LMBRD2: variants seen among roughly 807,000 people sequenced by gnomAD.
The protein encoded by LMBRD2 is G protein-coupled receptor-associated protein LMBRD2.
In LMBRD2, 55 loss-of-function variants were observed where a neutral mutation model predicts 94.4. The ratio of observed to expected loss-of-function variants is 0.58; its 90% CI spans 0.47 to 0.73. The LOEUF (loss-of-function observed/expected upper bound fraction) is 0.73. Among genes scored for constraint, LMBRD2 ranks in the 30% least tolerant of loss-of-function variants. The pLI is 0.00. For missense variants in LMBRD2, 640 were observed against 831.9 expected, an observed-to-expected ratio of 0.77 and a Z score of 2.84; for synonymous variants, 246 against 272.4, an observed-to-expected ratio of 0.90 and a Z score of 0.95.
rs778753685 is a variant in LMBRD2 at position 36,143,304 on chromosome 5, G to GA, written c.45dup (p.Leu16SerfsTer13). On this transcript the variant is annotated frameshift_variant, in exon 2 of 18. Coordinates refer to ENST00000296603, the MANE Select transcript of LMBRD2 (RefSeq NM_001007527.2). LOFTEE classifies it high-confidence loss of function. Reference sequence around the variant, plus strand: ...TATCGATGAAGCAGAAATAATGCCAGAAAAAAGACAAAAACAATCTCAAGT... The same window carrying GA: ...TATCGATGAAGCAGAAATAATGCCAGAAAAAAAGACAAAAACAATCTCAAGT... The GA allele has an allele frequency of 6.8e-6, 11 of 1,612,858 alleles. No individual in the cohort carries two copies. The highest frequency in any genetic ancestry group is 4.5e-5 in the East Asian group (2 of 44,792).
intron 4 of LMBRD2, among the ~76,000 whole-genome samples, chr5:36,139,284 G>A (rs1391164021): frequency 6.6e-6 from 1 of 152,250 alleles, no homozygotes; most frequent in African/African-American, 2.4e-5. Context: ...GGCTGCCTCA[G>A]CCCACTCTGG....
intron 5 of LMBRD2, among the ~76,000 whole-genome samples, chr5:36,137,036 A>G (rs1205323106): frequency 6.6e-6 from 1 of 152,164 alleles, no homozygotes; most frequent in Non-Finnish European, 1.5e-5. Flanking sequence ...TATTACTTTT[A>G]ATATATAGCC....
intron 6 of LMBRD2, among the ~76,000 whole-genome samples, chr5:36,129,446 G>C (rs1744082482): frequency 6.6e-6 from 1 of 151,654 alleles, no homozygotes; most frequent in South Asian, 2.1e-4. Flanking sequence ...GGCCAGGAGA[G>C]TGACAGGATA....
rs1353918203 is a variant in LMBRD2, at chr5:36,136,223, A to C, written c.747+86T>G. ...TTTGCAGTCTGAAGCCCATCAATGC[A>C]CTAACAACAACAACAAACCAAAAAT... On this transcript the variant is annotated intron_variant, in intron 6 of 17. Coordinates refer to ENST00000296603, the MANE Select transcript of LMBRD2 (RefSeq NM_001007527.2). 8 of 1,241,060 alleles carry C rather than the reference A, an allele frequency of 6.4e-6. No homozygotes were observed. The Admixed American group carries it at 1.0e-4, about 16-fold the overall frequency. The allele number at this position is 1,241,060 out of a possible 1,614,324, so 76.9% of individuals were successfully genotyped here.
In LMBRD2 at chr5:36,109,955, T is replaced by G; in HGVS notation, c.1781A>C (p.Asn594Thr). 6.2e-7 allele frequency: 1 copy of G among 1,606,306 alleles called. No homozygotes were observed. The highest frequency in any genetic ancestry group is 8.5e-7 in the Non-Finnish European group (1 of 1,173,828). ...RKRQRQEEGE[N>T]RRREWKERYG... is the part of the protein sequence containing the mutation. The stretch of plus-strand genomic sequence containing the variant: ...TAATACTGTACTTACTCTTCTTCGA[T>G]TTTCACCTTCTTCTTGCCTTTGCCT... The change falls in exon 15 of 18, where the codon AAT (asparagine) becomes ACT (threonine). Residue 594 changes from asparagine (N) to threonine (T), a missense_variant. By Grantham distance (65) the Asn-to-Thr change is moderately conservative. Around this residue, in one of 2 missense-constraint regions of LMBRD2, gnomAD observed 183 missense variants for 189.1 expected, o/e 0.97. Coordinates refer to ENST00000296603, the MANE Select transcript of LMBRD2 (RefSeq NM_001007527.2).
chr5:36,099,999 G>A lies in LMBRD2; in HGVS notation c.*4047C>T, dbSNP rs1319582263. 6.6e-6 allele frequency: 1 copy of A among 152,086 alleles called. No homozygotes were observed. The highest frequency in any genetic ancestry group is 1.5e-5 in the Non-Finnish European group (1 of 68,024). 9.4% of individuals were successfully genotyped at this position (152,086 alleles called of 1,614,324 possible). On this transcript the variant is annotated 3_prime_UTR_variant, in exon 18 of 18. Transcript: ENST00000296603. ...TGCTCCTAGGGCCTTGTCTCCAGGA[G>A]TTGGGAAAGGGGAAAGAAAACATTG...
At chr5:36,143,921 A>C (rs1478683764) in intron 1 of LMBRD2, among the ~76,000 whole-genome samples, 1 of 151,860 alleles carries the variant, frequency 6.6e-6, no homozygotes, top group Non-Finnish European at 1.5e-5. Flanking sequence ...TTTTTGAAAT[A>C]GTATTTTTCT....
rs765195837 is a variant in LMBRD2, at chr5:36,114,462, A to G, written c.1602T>C (p.Pro534=). ...FIADGFYIYY[P]MLVVILCIAT... is the part of the protein sequence containing the mutation. ...CAATGCAGAGAATTACCACCAACAT[A>G]GGATAATATATATAGAATCCATCTG... The change falls in exon 13 of 18, where the codon CCT becomes CCC. Residue 534 remains proline, a synonymous_variant. Coordinates refer to ENST00000296603, the MANE Select transcript of LMBRD2 (RefSeq NM_001007527.2). 11 of 1,563,892 alleles carry G rather than the reference A, an allele frequency of 7.0e-6. No homozygotes were observed. Among genetic ancestry groups the G allele is most frequent in the Non-Finnish European group, 9.5e-6 (11 of 1,161,160 alleles).
chr5:36,142,416 T>C, intron 3 of LMBRD2, 86 bp downstream of exon 3: 2 of 690,876 alleles, frequency 2.9e-6, no homozygotes, highest in South Asian at 1.8e-5. Flanking sequence ...CTTACATAAA[T>C]ATAAAGTCTG....
At chr5:36,110,012 T>G in intron 14 of LMBRD2, 21 bp from the exon 15 acceptor site, 1 of 1,591,410 alleles carries the variant, frequency 6.3e-7, no homozygotes, top group Non-Finnish European at 8.6e-7. Flanking sequence ...AAAAATGATC[T>G]CAAATATGGC....
intron 1 of LMBRD2, among the ~76,000 whole-genome samples, chr5:36,143,793 G>A (rs1428131686): frequency 6.6e-6 from 1 of 151,792 alleles, no homozygotes; most frequent in Non-Finnish European, 1.5e-5. Flanking sequence ...TAAATCCTAG[G>A]AAATTAGATA....
In LMBRD2 at chr5:36,137,430, G is replaced by C. The variant is rs1744298269; in HGVS notation, c.380C>G (p.Pro127Arg). Reference protein sequence around the residue: ...TSQFLTWILLPFMQSYARSGG... With the variant: ...TSQFLTWILLRFMQSYARSGG... Reference sequence around the variant, plus strand: ...TGATCTTGCATATGACTGCATAAAAGGTAAGAGAATCCTAGATGGATAGAA... The same window carrying C: ...TGATCTTGCATATGACTGCATAAAACGTAAGAGAATCCTAGATGGATAGAA... Residue 127 changes from proline (P) to arginine (R), a missense_variant, in exon 5 of 18, where the codon CCT becomes CGT. Pro to Arg is a moderately radical substitution (Grantham distance 103). Transcript: ENST00000296603. 6.4e-7 allele frequency: 1 copy of C among 1,562,264 alleles called. No individual in the cohort carries two copies. Among genetic ancestry groups the C allele is most frequent in the Non-Finnish European group, 8.7e-7 (1 of 1,147,920 alleles).
intron 1 of LMBRD2, among the ~76,000 whole-genome samples, chr5:36,148,561 T>C (rs1744609126): frequency 6.6e-6 from 1 of 152,246 alleles, no homozygotes; most frequent in African/African-American, 2.4e-5. Context: ...ACATTTAGAA[T>C]GTGTTCACTA....
rs200439468 is a variant in LMBRD2, at chr5:36,105,228, C to T, written c.1898-31G>A. The stretch of plus-strand genomic sequence containing the variant: ...AAGGAAGGGGGAAAAATGTCTACTT[C>T]CCTACTGTCTTTTAACTTATGGGTC... On this transcript the variant is annotated intron_variant, in intron 16 of 17. Coordinates refer to ENST00000296603, the MANE Select transcript of LMBRD2 (RefSeq NM_001007527.2). 1.8e-3 allele frequency: 2,846 copies of T among 1,607,446 alleles called. 2 individuals are homozygous for T. Among genetic ancestry groups the T allele is most frequent in the Middle Eastern group, 3.5e-3 (21 of 6,024 alleles).
chr5:36,105,501 G>A (rs1193491833), intron 16 of LMBRD2, among the ~76,000 whole-genome samples: 1 of 152,090 alleles, frequency 6.6e-6, no homozygotes, highest in Non-Finnish European at 1.5e-5. Context: ...GTATCACAAT[G>A]GTGAAACTGT....
At chr5:36,129,589 C>G (rs1419649689) in intron 6 of LMBRD2, among the ~76,000 whole-genome samples, 2 of 152,108 alleles carry the variant, frequency 1.3e-5, no homozygotes, top group Non-Finnish European at 2.9e-5. Context: ...CCATACCAGT[C>G]CTGTTCTATA....
chr5:36,143,365 T>C lies in LMBRD2; in HGVS notation c.-16A>G, dbSNP rs1233990357. ...CACCACTCATTATTGAATATTTCACTCTGACTAACCAAAGTTATTCATGTA... is the reference window on the plus strand; with the variant it reads ...CACCACTCATTATTGAATATTTCACCCTGACTAACCAAAGTTATTCATGTA... On this transcript the variant is annotated 5_prime_UTR_variant, in exon 2 of 18. Transcript: ENST00000296603. 6.2e-7 allele frequency: 1 copy of C among 1,606,478 alleles called. No individual in the cohort carries two copies. Among genetic ancestry groups the C allele is most frequent in the East Asian group, 2.2e-5 (1 of 44,764 alleles).
intron 10 of LMBRD2, among the ~76,000 whole-genome samples, chr5:36,117,333 C>T (rs1427556446): frequency 6.6e-6 from 1 of 151,986 alleles, no homozygotes; most frequent in Non-Finnish European, 1.5e-5. Flanking sequence ...CAAAAATTAG[C>T]AGGGGATGGT....
Position 36,142,322 on chromosome 5 carries a change from A to G in LMBRD2, c.272+180T>C, listed in dbSNP as rs140867750. ...CTTTGTGGACCAATAAATATTAAAA[A>G]TTAGATTTAATTAGAATATGATGTA... On this transcript the variant is annotated intron_variant, in intron 3 of 17. Transcript: ENST00000296603. Among the ~76,000 whole-genome samples, 9 of 152,318 alleles carry G rather than the reference A, an allele frequency of 5.9e-5. No homozygotes were observed. The East Asian group carries it at 1.7e-3, about 29-fold the overall frequency.
Sources: gnomAD v4.1 joint callset for allele counts (sites outside exome capture counted in the v4.1 genomes callset) on GRCh38, gnomAD v4.1.1 for gene constraint, gnomAD v4.1.1 regional missense constraint, MANE v1.5 for transcripts, NCBI Gene and HGNC (gene_info 2026-07-23, HGNC 2026-07-21) for gene names.